MRO: variants seen among roughly 807,000 people sequenced by gnomAD.
The protein encoded by MRO is maestro.
In MRO, 28 loss-of-function variants were observed where a neutral mutation model predicts 31.0. The ratio of observed to expected loss-of-function variants is 0.90; its 90% CI spans 0.67 to 1.24. MRO has a LOEUF of 1.24. Among genes scored for constraint, MRO ranks in the 50% most tolerant of loss-of-function variants. The pLI is 0.00. For missense variants in MRO, 332 were observed against 289.2 expected, an observed-to-expected ratio of 1.15 and a Z score of -1.07; for synonymous variants, 108 against 108.4, an observed-to-expected ratio of 1.00 and a Z score of 0.02.
At chr18:50,818,649 T>C (rs1357591084) in intron 2 of MRO, among the ~76,000 whole-genome samples, 2 of 151,646 alleles carry the variant, frequency 1.3e-5, no homozygotes, top group Non-Finnish European at 3.0e-5. Context: ...AGCCAAAAGG[T>C]ATATTATGAA....
In MRO at chr18:50,795,832, C is replaced by T; in HGVS notation, c.*3505G>A. The T allele has an allele frequency of 6.6e-6, 1 of 152,432 alleles. No individual in the cohort carries two copies. Among genetic ancestry groups the T allele is most frequent in the Non-Finnish European group, 1.5e-5 (1 of 68,178 alleles). 9.4% of individuals were successfully genotyped at this position (152,432 alleles called of 1,614,324 possible). On this transcript the variant is annotated 3_prime_UTR_variant, in exon 8 of 8. Transcript: ENST00000398439. Reference sequence around the variant, plus strand: ...GCAGGCACCTGTAATCCCAGCTACTCAGGAGGCTGAGACAGGAGAATCGCT... The same window carrying T: ...GCAGGCACCTGTAATCCCAGCTACTTAGGAGGCTGAGACAGGAGAATCGCT...
In MRO at chr18:50,796,435, T is replaced by C. The variant is rs1019210588; in HGVS notation, c.*2902A>G. On this transcript the variant is annotated 3_prime_UTR_variant, in exon 8 of 8. Coordinates refer to ENST00000398439, the MANE Select transcript of MRO (RefSeq NM_031939.6). ...CATAAAGCCATATACAAAAAAAAACTTTTCAGATAAGATATAAGTGGTATA... is the reference window on the plus strand; with the variant it reads ...CATAAAGCCATATACAAAAAAAAACCTTTCAGATAAGATATAAGTGGTATA... The C allele has an allele frequency of 3.3e-5, 5 of 151,584 alleles. No individual in the cohort carries two copies. Among genetic ancestry groups the C allele is most frequent in the African/African-American group, 1.2e-4 (5 of 41,268 alleles). The allele number at this position is 151,584 out of a possible 1,614,324, so 9.4% of individuals were successfully genotyped here. A position where few individuals can be genotyped will look rare whatever the true frequency, so the allele number is the denominator to read the frequency against.
At chr18:50,811,733 T>C (rs1914489472) in intron 2 of MRO, among the ~76,000 whole-genome samples, 1 of 150,384 alleles carries the variant, frequency 6.6e-6, no homozygotes, top group Admixed American at 6.6e-5. Flanking sequence ...AATTGCTGAG[T>C]CATGTGGTAA....
Position 50,799,202 on chromosome 18 carries a change from G to T in MRO, c.*135C>A. ...CCATGTATTATTTTTGCCTTTGATTGCTCTCCCAGCACCCTCTTTCCCATT... is the reference window on the plus strand; with the variant it reads ...CCATGTATTATTTTTGCCTTTGATTTCTCTCCCAGCACCCTCTTTCCCATT... On this transcript the variant is annotated 3_prime_UTR_variant, in exon 8 of 8. Coordinates refer to ENST00000398439, the MANE Select transcript of MRO (RefSeq NM_031939.6). 4.1e-6 allele frequency: 3 copies of T among 723,852 alleles called. No homozygotes were observed. The highest frequency in any genetic ancestry group is 4.8e-6 in the Non-Finnish European group (2 of 416,316). The allele number at this position is 723,852 out of a possible 1,614,324, so 44.8% of individuals were successfully genotyped here.
chr18:50,801,508 C>A lies in MRO; in HGVS notation c.430-4G>T. ...AGTATCTCAGACTGTCGTTCTCCTG[C>A]GGTCCCCATCAACAAAACAATAAGA... On this transcript the variant is annotated splice_polypyrimidine_tract_variant and splice_region_variant and intron_variant, in intron 5 of 7. Transcript: ENST00000398439. 6.3e-7 allele frequency: 1 copy of A among 1,579,918 alleles called. No homozygotes were observed. The highest frequency in any genetic ancestry group is 8.6e-7 in the Non-Finnish European group (1 of 1,163,788).
At chr18:50,823,224 C>T (rs56333027), upstream of MRO, among the ~76,000 whole-genome samples, 419 of 148,920 alleles carry the variant, frequency 2.8e-3, 3 homozygotes, top group African/African-American at 9.4e-3. Flanking sequence ...GAGGCTCTTC[C>T]CAAACTTCAT....
rs1468448889 is a variant in MRO at position 50,801,396 on chromosome 18, C to A, written c.538G>T (p.Asp180Tyr). The A allele has an allele frequency of 1.2e-6, 2 of 1,610,946 alleles. No homozygotes were observed. The highest frequency in any genetic ancestry group is 1.7e-6 in the Non-Finnish European group (2 of 1,177,972). ...TCCTGTAAATGGATCAGGAGGGAAT[C>A]TCGTGTCTGCTTAACCTGACTGGTG... ...FFTSQVKQTR[D>Y]SLLIHLQDRN... Residue 180 changes from aspartate (D) to tyrosine (Y), a missense_variant, in exon 6 of 8, where the codon GAT (aspartate) becomes TAT (tyrosine). Asp to Tyr is a radical substitution (Grantham distance 160). Coordinates refer to ENST00000398439, the MANE Select transcript of MRO (RefSeq NM_031939.6).
chr18:50,806,940 T>C, intron 3 of MRO, 90 bp from the exon 4 acceptor site: 1 of 1,323,218 alleles, frequency 7.6e-7, no homozygotes, highest in Non-Finnish European at 1.1e-6. Flanking sequence ...GAAAATCCCG[T>C]GATTGCCTGC....
Position 50,798,672 on chromosome 18 carries a change from T to G in MRO, c.*665A>C, listed in dbSNP as rs1912994222. The stretch of plus-strand genomic sequence containing the variant: ...CCCACTGAATTGTAAGCACTCGGTG[T>G]TACCTACTATTGTTATCCCGTAAGT... On this transcript the variant is annotated 3_prime_UTR_variant, in exon 8 of 8. Coordinates refer to ENST00000398439, the MANE Select transcript of MRO (RefSeq NM_031939.6). 6.6e-6 allele frequency: 1 copy of G among 152,244 alleles called. No individual in the cohort carries two copies. Among genetic ancestry groups the G allele is most frequent in the Non-Finnish European group, 1.5e-5 (1 of 68,070 alleles). The allele number at this position is 152,244 out of a possible 1,614,324, so 9.4% of individuals were successfully genotyped here. A position where few individuals can be genotyped will look rare whatever the true frequency, so the allele number is the denominator to read the frequency against.
At chr18:50,815,640 G>C (rs1914852696) in intron 2 of MRO, 1 of 348,710 alleles carries the variant, frequency 2.9e-6, no homozygotes, top group African/African-American at 2.2e-5. Context: ...ATGCATGAAA[G>C]GGGGCAGTTT....
At chr18:50,802,714 T>TG (rs1217174917) in intron 5 of MRO, among the ~76,000 whole-genome samples, 38 of 151,904 alleles carry the variant, frequency 2.5e-4, no homozygotes, top group African/African-American at 8.7e-4. Flanking sequence ...GTTTTTGTTT[T>TG]TTTTTGTTTT....
chr18:50,815,269 T>C, intron 2 of MRO: 1 of 256,000 alleles, frequency 3.9e-6, no homozygotes, highest in South Asian at 5.5e-5. Flanking sequence ...GTCATGGAAG[T>C]GGATCTGGCA....
Position 50,819,879 on chromosome 18 carries a change from A to G in MRO, c.-127+18T>C. The G allele has an allele frequency of 6.5e-7, 1 of 1,550,362 alleles. No individual in the cohort carries two copies. Among genetic ancestry groups the G allele is most frequent in the Non-Finnish European group, 8.7e-7 (1 of 1,145,764 alleles). On this transcript the variant is annotated intron_variant, in intron 1 of 7. Transcript: ENST00000398439. ...ACCGACAAGAATATTGTAGGGTGGC[A>G]CAAGCATGACTTGCTACCTTTGCTT...
In MRO at chr18:50,819,953, C is replaced by T. The variant is rs1279891563; in HGVS notation, c.-183G>A. The T allele has an allele frequency of 6.4e-7, 1 of 1,551,418 alleles. No homozygotes were observed. The highest frequency in any genetic ancestry group is 1.4e-5 in the African/African-American group (1 of 73,020). ...TTCCTTCTCCTTGCTGTGATTTCCCCTCCTTCTTCCCTCATGCCAGCCTGG... is the reference window on the plus strand; with the variant it reads ...TTCCTTCTCCTTGCTGTGATTTCCCTTCCTTCTTCCCTCATGCCAGCCTGG... On this transcript the variant is annotated 5_prime_UTR_variant, in exon 1 of 8. Coordinates refer to ENST00000398439, the MANE Select transcript of MRO (RefSeq NM_031939.6).
At chr18:50,811,926 G>A (rs71357254) in intron 2 of MRO, among the ~76,000 whole-genome samples, 1 of 151,996 alleles carries the variant, frequency 6.6e-6, no homozygotes, top group South Asian at 2.1e-4. Flanking sequence ...ATTTTTAGTA[G>A]ACACGGGGTT....
At chr18:50,824,752 C>T (rs1664333652), upstream of MRO, among the ~76,000 whole-genome samples, 1 of 148,748 alleles carries the variant, frequency 6.7e-6, no homozygotes, top group Admixed American at 6.7e-5. Context: ...CCACATTCAG[C>T]CAAGACACTG....
At chr18:50,802,910 G>GTA (rs1913508110) in intron 5 of MRO, among the ~76,000 whole-genome samples, 1 of 118,524 alleles carries the variant, frequency 8.4e-6, no homozygotes, top group Non-Finnish European at 1.7e-5. Context: ...GTGTATGTGT[G>GTA]TGTGTAGTGT....
intron 2 of MRO, among the ~76,000 whole-genome samples, chr18:50,814,204 A>T (rs1013352033): frequency 1.3e-5 from 2 of 152,032 alleles, no homozygotes; most frequent in African/African-American, 4.8e-5. Context: ...GTTGAACACA[A>T]TCTTACTTTA....
intron 5 of MRO, among the ~76,000 whole-genome samples, chr18:50,804,488 C>T (rs1046342326): frequency 1.2e-4 from 18 of 151,926 alleles, no homozygotes; most frequent in East Asian, 3.9e-4. Flanking sequence ...TAGCCAGCTG[C>T]GGTGGCATGT....
Sources: allele counts gnomAD v4.1 joint callset (sites outside exome capture counted in the v4.1 genomes callset), GRCh38; gene constraint gnomAD v4.1.1; transcripts MANE v1.5; gene names NCBI Gene and HGNC (gene_info 2026-07-23, HGNC 2026-07-21).